Variants in GTF2A1 observed in about 807,000 individuals in gnomAD.
GTF2A1 encodes general transcription factor IIA subunit 1, also known as transcription initiation factor IIA subunit 1.
A neutral mutation model predicts 54.1 loss-of-function variants in GTF2A1; 12 were observed. The ratio of observed to expected loss-of-function variants is 0.22; its 90% confidence interval spans 0.14 to 0.36. The LOEUF (loss-of-function observed/expected upper bound fraction) is 0.36. Among genes scored for constraint, GTF2A1 ranks in the 10% least tolerant of loss-of-function variants. The pLI is 1.00. For synonymous variants in GTF2A1, 145 were observed against 152.0 expected, an observed-to-expected ratio of 0.95 and a Z score of 0.34; for missense variants, 335 against 442.2, an observed-to-expected ratio of 0.76 and a Z score of 2.17.
intron 8 of GTF2A1, among the ~76,000 whole-genome samples, chr14:81,182,061 A>G (rs1892650543): frequency 6.6e-6 from 1 of 152,078 alleles, no homozygotes; most frequent in Non-Finnish European, 1.5e-5. Context: ...CTGCTTCTCC[A>G]ACTTCCATTT....
intron 4 of GTF2A1, among the ~76,000 whole-genome samples, chr14:81,199,501 C>T (rs1475066890): frequency 1.3e-5 from 2 of 152,026 alleles, no homozygotes; most frequent in Non-Finnish European, 2.9e-5. Context: ...GCAAACAGAG[C>T]CATTAGAAAG....
Position 81,220,499 on chromosome 14 carries a change from G to A in GTF2A1, c.20C>T (p.Thr7Ile). Residue 7 changes from threonine to isoleucine, a missense_variant, in exon 1 of 9, where the codon ACA (threonine) becomes ATA (isoleucine). Coordinates refer to ENST00000553612, the MANE Select transcript of GTF2A1 (RefSeq NM_015859.4). MANSAN[T>I]NTVPKLYRSV... ...GAACCACGTCCTTACCACGGTGTTT[G>A]TATTTGCCGAGTTCGCCATTTCCAC... 6.3e-7 allele frequency: 1 copy of A among 1,580,182 alleles called. No individual in the cohort carries two copies.
rs1448742471 is a variant in GTF2A1 at position 81,185,310 on chromosome 14, T to C, written c.1023+221A>G. Among the ~76,000 whole-genome samples the C allele has an allele frequency of 2.0e-5, 3 of 152,210 alleles. No individual in the cohort carries two copies. The South Asian group carries it at 6.2e-4, about 31-fold the overall frequency. On this transcript the variant is annotated intron_variant, in intron 8 of 8. Coordinates refer to ENST00000553612, the MANE Select transcript of GTF2A1 (RefSeq NM_015859.4). ...ATAGAAAAAGAAGATCGTAGCTCTT[T>C]TCATTTCATTCATAACTTATTTTTC...
At chr14:81,219,247 C>T (rs1391480082) in intron 1 of GTF2A1, among the ~76,000 whole-genome samples, 1 of 152,142 alleles carries the variant, frequency 6.6e-6, no homozygotes, top group Non-Finnish European at 1.5e-5. Flanking sequence ...GAAAGCAGCC[C>T]GCGACGGGTG....
intron 2 of GTF2A1, among the ~76,000 whole-genome samples, chr14:81,215,402 T>C (rs748749628): frequency 6.6e-6 from 1 of 152,174 alleles, no homozygotes. Flanking sequence ...ACTTAAGCAT[T>C]TAGTCAACCT....
intron 6 of GTF2A1, among the ~76,000 whole-genome samples, chr14:81,195,038 G>T (rs542477618): frequency 6.6e-6 from 1 of 151,788 alleles, no homozygotes; most frequent in Non-Finnish European, 1.5e-5. Flanking sequence ...TACTCAGGAG[G>T]CTGAGGCAGG....
In GTF2A1 at chr14:81,175,533, A is replaced by G. The variant is rs1892507257; in HGVS notation, c.*4690T>C. 1 of 152,244 alleles carries G rather than the reference A, an allele frequency of 6.6e-6. No homozygotes were observed. The allele number at this position is 152,244 out of a possible 1,614,324, so 9.4% of individuals were successfully genotyped here. On this transcript the variant is annotated 3_prime_UTR_variant, in exon 9 of 9. Coordinates refer to ENST00000553612, the MANE Select transcript of GTF2A1 (RefSeq NM_015859.4). Reference sequence around the variant, plus strand: ...CATGTTTTCTAGATAGTCTGTTAACAGGATAAAAAAATACAAAAAGGCGAG... The same window carrying G: ...CATGTTTTCTAGATAGTCTGTTAACGGGATAAAAAAATACAAAAAGGCGAG...
At chr14:81,195,772 T>C (rs1007814194) in intron 6 of GTF2A1, among the ~76,000 whole-genome samples, 3 of 152,096 alleles carry the variant, frequency 2.0e-5, no homozygotes, top group Admixed American at 1.3e-4. Flanking sequence ...CATGTCTGTG[T>C]CATTCACTCC....
intron 2 of GTF2A1, among the ~76,000 whole-genome samples, chr14:81,211,898 T>C (rs1893377595): frequency 7.1e-6 from 1 of 140,810 alleles, no homozygotes. Context: ...TATATATATA[T>C]ATATATATAT....
At chr14:81,213,646 T>C (rs906833028) in intron 2 of GTF2A1, among the ~76,000 whole-genome samples, 4 of 152,214 alleles carry the variant, frequency 2.6e-5, no homozygotes, top group Non-Finnish European at 4.4e-5. Context: ...CCTCAGTTAC[T>C]TCATGCTACT....
In GTF2A1 at chr14:81,178,055, G is replaced by A. The variant is rs1338610745; in HGVS notation, c.*2168C>T. 6.6e-6 allele frequency: 1 copy of A among 152,016 alleles called. No homozygotes were observed. Among genetic ancestry groups the A allele is most frequent in the African/African-American group, 2.4e-5 (1 of 41,408 alleles). The allele number at this position is 152,016 out of a possible 1,614,324, so 9.4% of individuals were successfully genotyped here. ...ACAAAATAACCACTCTGAAAGCAGT[G>A]GTTGTTAATATTTGAAAAATAAAGT... On this transcript the variant is annotated 3_prime_UTR_variant, in exon 9 of 9. Coordinates refer to ENST00000553612, the MANE Select transcript of GTF2A1 (RefSeq NM_015859.4).
intron 5 of GTF2A1, 71 bp from the exon 6 acceptor site, chr14:81,196,312 T>C: frequency 6.8e-7 from 1 of 1,477,256 alleles, no homozygotes; most frequent in Non-Finnish European, 9.4e-7. Context: ...GAATTCATAT[T>C]TAATTTCATA....
intron 2 of GTF2A1, among the ~76,000 whole-genome samples, chr14:81,209,259 G>A (rs181185733): frequency 3.3e-5 from 5 of 152,242 alleles, no homozygotes; most frequent in Admixed American, 1.3e-4. Flanking sequence ...TAAGTCTCAC[G>A]AGATCTGATG....
At position 81,195,038 on chromosome 14, in the gene GTF2A1, G is replaced by A. The variant is rs542477618; in HGVS notation, c.612+1070C>T. ...GCCACTAATCCCAGCTACTCAGGAG[G>A]CTGAGGCAGGAGAATCACTTGAACC... On this transcript the variant is annotated intron_variant, in intron 6 of 8. Coordinates refer to ENST00000553612, the MANE Select transcript of GTF2A1 (RefSeq NM_015859.4). Among the ~76,000 whole-genome samples the A allele has an allele frequency of 2.6e-5, 4 of 151,904 alleles. No homozygotes were observed. In the East Asian group the frequency reaches 7.8e-4, roughly 30 times the overall value.
chr14:81,220,112 G>C (rs1157042479), intron 1 of GTF2A1, among the ~76,000 whole-genome samples: 1 of 151,604 alleles, frequency 6.6e-6, no homozygotes, highest in African/African-American at 2.4e-5. Flanking sequence ...GGGAGCCCTC[G>C]TCAAGCCAGC....
chr14:81,195,417 A>T (rs1892971205), intron 6 of GTF2A1, among the ~76,000 whole-genome samples: 1 of 151,788 alleles, frequency 6.6e-6, no homozygotes, highest in African/African-American at 2.4e-5. Context: ...GTGGATCACA[A>T]GGTAAGGAGA....
chr14:81,214,922 AAAG>A (rs1893454812), intron 2 of GTF2A1, among the ~76,000 whole-genome samples: 1 of 152,242 alleles, frequency 6.6e-6, no homozygotes, highest in African/African-American at 2.4e-5. Context: ...GGAGGTGTAC[AAAG>A]AAAATCTGCC....
At chr14:81,189,795 C>A (rs1892834242) in intron 7 of GTF2A1, among the ~76,000 whole-genome samples, 2 of 152,252 alleles carry the variant, frequency 1.3e-5, no homozygotes, top group South Asian at 4.1e-4. Flanking sequence ...AAAACACATT[C>A]TTTTCAAAGC....
At chr14:81,194,324 C>T (rs1892944084) in intron 6 of GTF2A1, among the ~76,000 whole-genome samples, 1 of 152,232 alleles carries the variant, frequency 6.6e-6, no homozygotes, top group African/African-American at 2.4e-5. Flanking sequence ...GAAAAATTGT[C>T]TTCTGCAAAA....
Sources: allele counts gnomAD v4.1 joint callset (sites outside exome capture counted in the v4.1 genomes callset), GRCh38; gene constraint gnomAD v4.1.1; transcripts MANE v1.5; gene names NCBI Gene and HGNC (gene_info 2026-07-23, HGNC 2026-07-21).